Variants in CHFR observed in about 807,000 individuals in gnomAD.
The protein encoded by CHFR is E3 ubiquitin-protein ligase CHFR.
Under a neutral mutation model 87.6 loss-of-function variants are expected in CHFR, and 57 were observed. The ratio of observed to expected loss-of-function variants is 0.65; its 90% confidence interval spans 0.53 to 0.81. The LOEUF is 0.81. Among genes scored for constraint, CHFR ranks in the 30% least tolerant of loss-of-function variants. The pLI is 0.00. For missense variants in CHFR, 797 were observed against 865.8 expected, an observed-to-expected ratio of 0.92 and a Z score of 1.00; for synonymous variants, 381 against 359.2, an observed-to-expected ratio of 1.06 and a Z score of -0.69.
At chr12:132,863,824 T>C (rs1335412480) in intron 6 of CHFR, among the ~76,000 whole-genome samples, 1 of 152,116 alleles carries the variant, frequency 6.6e-6, no homozygotes, top group African/African-American at 2.4e-5. Flanking sequence ...AGTGGCGAGA[T>C]CTTCATTCAC....
At position 132,848,702 on chromosome 12, in the gene CHFR, G is replaced by GA; in HGVS notation, c.1514dup (p.Cys506LeufsTer21). ...GGGTGCAGCCCCAGTACAGGTGGCA[G>GA]AAAGGCTGCAGGCAGACCGCACCTG... On this transcript the variant is annotated frameshift_variant, in exon 13 of 18. Transcript: ENST00000450056. LOFTEE classifies it high-confidence loss of function. The GA allele has an allele frequency of 6.3e-7, 1 of 1,590,222 alleles. No individual in the cohort carries two copies. Among genetic ancestry groups the GA allele is most frequent in the South Asian group, 1.1e-5 (1 of 87,056 alleles).
chr12:132,862,622 GCT>G (rs1225917698), intron 6 of CHFR, among the ~76,000 whole-genome samples: 1 of 151,642 alleles, frequency 6.6e-6, no homozygotes, highest in Non-Finnish European at 1.5e-5. Context: ...ACGGACTCTT[GCT>G]CTGTTGCCCA....
At chr12:132,858,228 C>T (rs558248529) in intron 8 of CHFR, among the ~76,000 whole-genome samples, 21 of 152,188 alleles carry the variant, frequency 1.4e-4, no homozygotes, top group African/African-American at 4.3e-4. Context: ...GATGTGGTGA[C>T]GCATGCCTGT....
At chr12:132,881,257 CAAA>C (rs34009587) in intron 2 of CHFR, among the ~76,000 whole-genome samples, 1 of 119,526 alleles carries the variant, frequency 8.4e-6, no homozygotes, top group Non-Finnish European at 1.9e-5. Context: ...GACTCCATCT[CAAA>C]AAAAAAAAAA....
chr12:132,845,586 G>A (rs867004788), intron 15 of CHFR, among the ~76,000 whole-genome samples: 2 of 152,016 alleles, frequency 1.3e-5, no homozygotes, highest in African/African-American at 4.8e-5. Context: ...GGAGGTCGAG[G>A]CTGCAGTGAG....
intron 2 of CHFR, among the ~76,000 whole-genome samples, chr12:132,884,429 CAT>C (rs966851235): frequency 2.0e-5 from 3 of 146,446 alleles, no homozygotes; most frequent in African/African-American, 5.0e-5. Context: ...AAAAAAAATA[CAT>C]ATATATATAT....
rs1566173762 is a variant in CHFR at position 132,844,017 on chromosome 12, G to A, written c.1843+10C>T. The A allele has an allele frequency of 1.3e-6, 2 of 1,582,770 alleles. No homozygotes were observed. The highest frequency in any genetic ancestry group is 1.7e-6 in the Non-Finnish European group (2 of 1,151,606). ...GAACTAGAGCCATGAGGAAGTCGGG[G>A]GCTCCTTACCTGGCAACTCGGAAGC... On this transcript the variant is annotated intron_variant, in intron 16 of 17. Coordinates refer to ENST00000450056, the MANE Select transcript of CHFR (RefSeq NM_001161346.2).
intron 6 of CHFR, among the ~76,000 whole-genome samples, chr12:132,862,635 G>A (rs1375948680): frequency 6.6e-6 from 1 of 151,948 alleles, no homozygotes; most frequent in Non-Finnish European, 1.5e-5. Flanking sequence ...CTGTTGCCCA[G>A]GCTGGAGTGC....
Position 132,859,122 on chromosome 12 carries a change from A to G in CHFR, c.857T>C (p.Met286Thr). The G allele has an allele frequency of 6.2e-7, 1 of 1,614,092 alleles. No homozygotes were observed. The highest frequency in any genetic ancestry group is 8.5e-7 in the Non-Finnish European group (1 of 1,180,006). ...VRAAAGKPDK[M>T]EETLTCIICQ... ...GATGATGCATGTCAGCGTCTCCTCC[A>G]TCTTGTCTGGCTTCCCAGCCGCTGC... The change falls in exon 8 of 18, where the codon ATG (methionine) becomes ACG (threonine). Residue 286 changes from methionine to threonine, a missense_variant. Transcript: ENST00000450056.
Position 132,847,111 on chromosome 12 carries a change from C to A in CHFR, c.1667G>T (p.Gly556Val). 1.2e-6 allele frequency: 2 copies of A among 1,613,708 alleles called. No individual in the cohort carries two copies. The highest frequency in any genetic ancestry group is 1.7e-6 in the Non-Finnish European group (2 of 1,179,822). Reference protein sequence around the residue: ...DILKNYLATRGLTWKNMLTES... With the variant: ...DILKNYLATRVLTWKNMLTES... ...GGTCAACATGTTTTTCCATGTCAAACCTCTGGTTGCCAGGTAATTCTGTGA... is the reference window on the plus strand; with the variant it reads ...GGTCAACATGTTTTTCCATGTCAAAACTCTGGTTGCCAGGTAATTCTGTGA... The change falls in exon 15 of 18, where the codon GGT becomes GTT. Residue 556 changes from glycine to valine, a missense_variant. Gly to Val is a moderately radical substitution (Grantham distance 109). Transcript: ENST00000450056.
chr12:132,868,118 G>A (rs148613276), intron 6 of CHFR, among the ~76,000 whole-genome samples: 52 of 152,246 alleles, frequency 3.4e-4, no homozygotes, highest in African/African-American at 1.1e-3. Flanking sequence ...GAGTCATGCC[G>A]TAAGGAACAG....
At chr12:132,869,383 C>A (rs984962959) in intron 6 of CHFR, among the ~76,000 whole-genome samples, 1 of 152,058 alleles carries the variant, frequency 6.6e-6, no homozygotes, top group African/African-American at 2.4e-5. Context: ...TTATGGTATG[C>A]GAATTATAGT....
At position 132,859,079 on chromosome 12, in the gene CHFR, G is replaced by A. The variant is rs1253421391; in HGVS notation, c.900C>T (p.His300=). 6 of 1,613,290 alleles carry A rather than the reference G, an allele frequency of 3.7e-6. No individual in the cohort carries two copies. The highest frequency in any genetic ancestry group is 2.2e-5 in the East Asian group (1 of 44,852). The change falls in exon 8 of 18, where the codon CAC becomes CAT. Residue 300 remains histidine, a synonymous_variant. Coordinates refer to ENST00000450056, the MANE Select transcript of CHFR (RefSeq NM_001161346.2). ...LTCIICQDLL[H]DCVSLQPCMH... ...GAACACGGTCGCACCTCACGCAGTC[G>A]TGCAGCAGGTCCTGGCAGATGATGC...
At chr12:132,882,161 T>A (rs1460399430) in intron 2 of CHFR, among the ~76,000 whole-genome samples, 1 of 152,198 alleles carries the variant, frequency 6.6e-6, no homozygotes, top group Non-Finnish European at 1.5e-5. Flanking sequence ...CCACTGGTTG[T>A]AAACTAACAA....
chr12:132,886,084 G>A (rs1951885583), intron 2 of CHFR, among the ~76,000 whole-genome samples: 1 of 152,210 alleles, frequency 6.6e-6, no homozygotes, highest in African/African-American at 2.4e-5. Flanking sequence ...GGCCGAAGCA[G>A]GTGAATCACT....
intron 2 of CHFR, among the ~76,000 whole-genome samples, chr12:132,886,501 G>C (rs371746589): frequency 3.6e-4 from 54 of 152,080 alleles, no homozygotes; most frequent in African/African-American, 1.3e-3. Flanking sequence ...CAGGACCAGC[G>C]CATTTCTCTC....
intron 9 of CHFR, 188 bp from the exon 10 acceptor site, chr12:132,856,818 C>A: frequency 1.4e-6 from 1 of 720,910 alleles, no homozygotes; most frequent in Non-Finnish European, 2.5e-6. Flanking sequence ...GATGCCCTCA[C>A]GTGCCCGGGT....
intron 15 of CHFR, 28 bp from the exon 16 acceptor site, chr12:132,844,162 C>CA (rs752048632): frequency 1.0e-6 from 1 of 971,820 alleles, no homozygotes; most frequent in Admixed American, 2.2e-5. Flanking sequence ...AGTTACCCAG[C>CA]AACACCATCT....
At chr12:132,864,779 C>T (rs192239061) in intron 6 of CHFR, among the ~76,000 whole-genome samples, 1 of 152,330 alleles carries the variant, frequency 6.6e-6, no homozygotes, top group East Asian at 1.9e-4. Flanking sequence ...TAAGCCACCA[C>T]ACCCGGCCAG....
Sources: gnomAD v4.1 joint callset for allele counts (sites outside exome capture counted in the v4.1 genomes callset) on GRCh38, gnomAD v4.1.1 for gene constraint, MANE v1.5 for transcripts, NCBI Gene and HGNC (gene_info 2026-07-23, HGNC 2026-07-21) for gene names.